The following LRRC72 variants were observed in gnomAD, a reference collection of about 807,000 sequenced individuals.
LRRC72 encodes leucine rich repeat containing 72, also known as leucine-rich repeat-containing protein 72.
A neutral mutation model predicts 35.8 loss-of-function variants in LRRC72; 41 were observed. That is an observed-to-expected ratio of 1.15 (90% CI 0.89 to 1.49). The LOEUF (loss-of-function observed/expected upper bound fraction) is 1.49. LRRC72 is among the 40% of genes most tolerant of loss of function. LRRC72 has a pLI of 0.00. For missense variants in LRRC72, 389 were observed against 330.7 expected (o/e 1.18, Z -1.37); for synonymous variants, 118 against 119.2 (o/e 0.99, Z 0.07).
At position 16,527,006 on chromosome 7, in the gene LRRC72, G is replaced by C. The variant is rs1782080523; in HGVS notation, c.54G>C (p.Arg18=). 6.5e-7 allele frequency: 1 copy of C among 1,539,646 alleles called. No individual in the cohort carries two copies. Among genetic ancestry groups the C allele is most frequent in the Non-Finnish European group, 8.7e-7 (1 of 1,146,930 alleles). The change falls in exon 1 of 9, where the codon CGG becomes CGC. Residue 18 remains arginine, a synonymous_variant. Coordinates refer to ENST00000401542, the MANE Select transcript of LRRC72 (RefSeq NM_001195280.2). ...VPRTLRCWRL[R]RASETALQSS... is the part of the protein sequence containing the mutation. ...GTACCTTGCGATGCTGGCGCCTACG[G>C]AGGGCATCCGAAACTGCCCTACAGA...
At chr7:16,537,738 C>G in intron 3 of LRRC72, 42 bp downstream of exon 3, 7 of 1,135,978 alleles carry the variant, frequency 6.2e-6, no homozygotes, top group Non-Finnish European at 7.5e-6. Flanking sequence ...AATTAAACTA[C>G]TATCTTAATT....
At chr7:16,556,267 A>G (rs902706949) in intron 3 of LRRC72, among the ~76,000 whole-genome samples, 9 of 152,150 alleles carry the variant, frequency 5.9e-5, no homozygotes, top group African/African-American at 2.2e-4. Context: ...TCTTCACTAT[A>G]TTGTTAGGAG....
intron 6 of LRRC72, 25 bp downstream of exon 6, chr7:16,566,427 G>A: frequency 4.1e-6 from 6 of 1,472,882 alleles, no homozygotes; most frequent in Non-Finnish European, 5.5e-6. Flanking sequence ...TTCTTGCAAA[G>A]AAATATTTGA....
intron 3 of LRRC72, among the ~76,000 whole-genome samples, chr7:16,555,150 C>G (rs1782628896): frequency 6.6e-6 from 1 of 152,158 alleles, no homozygotes; most frequent in South Asian, 2.1e-4. Context: ...CATGACATAA[C>G]AAAACATTTG....
intron 1 of LRRC72, among the ~76,000 whole-genome samples, chr7:16,529,437 T>C (rs1369701851): frequency 6.6e-6 from 1 of 152,130 alleles, no homozygotes; most frequent in Non-Finnish European, 1.5e-5. Flanking sequence ...TTGCAGATAC[T>C]GTTTTTTGGG....
At chr7:16,549,548 C>T (rs1300380131) in intron 3 of LRRC72, among the ~76,000 whole-genome samples, 4 of 152,292 alleles carry the variant, frequency 2.6e-5, no homozygotes, top group Middle Eastern at 6.8e-3. Context: ...CCACCATTTC[C>T]ACTGCTATGG....
At chr7:16,543,029 T>C (rs896125976) in intron 3 of LRRC72, among the ~76,000 whole-genome samples, 3 of 152,218 alleles carry the variant, frequency 2.0e-5, no homozygotes, top group Non-Finnish European at 4.4e-5. Context: ...TTCTTATTGA[T>C]CAGTAATTGA....
At chr7:16,556,462 T>G (rs1782652462) in intron 3 of LRRC72, among the ~76,000 whole-genome samples, 1 of 152,214 alleles carries the variant, frequency 6.6e-6, no homozygotes, top group Non-Finnish European at 1.5e-5. Flanking sequence ...GGATGAACTC[T>G]GAATGATGAA....
Position 16,559,011 on chromosome 7 carries a change from C to G in LRRC72, c.427+12C>G. On this transcript the variant is annotated intron_variant, in intron 5 of 8. Coordinates refer to ENST00000401542, the MANE Select transcript of LRRC72 (RefSeq NM_001195280.2). ...TCTGAAGATCCTAAGTAACAATTTG[C>G]AATTTTATATGGCCATAAGTTAAAA... The G allele has an allele frequency of 6.9e-7, 1 of 1,456,894 alleles. No individual in the cohort carries two copies. Among genetic ancestry groups the G allele is most frequent in the Non-Finnish European group, 9.3e-7 (1 of 1,072,310 alleles). 90.2% of individuals were successfully genotyped at this position (1,456,894 alleles called of 1,614,324 possible). A position where few individuals can be genotyped will look rare whatever the true frequency, so the allele number is the denominator to read the frequency against.
intron 7 of LRRC72, among the ~76,000 whole-genome samples, chr7:16,572,047 G>A (rs1782955348): frequency 6.6e-6 from 1 of 152,178 alleles, no homozygotes; most frequent in Non-Finnish European, 1.5e-5. Flanking sequence ...TGAGTAGGTG[G>A]TTTTCCCCTC....
chr7:16,527,532 T>A (rs562579779), intron 1 of LRRC72, among the ~76,000 whole-genome samples: 1 of 152,032 alleles, frequency 6.6e-6, no homozygotes, highest in African/African-American at 2.4e-5. Context: ...AATCAACACC[T>A]TGAAGAGAAA....
rs184743661 is a variant in LRRC72, at chr7:16,534,592, A to G, written c.164+2024A>G. Among the ~76,000 whole-genome samples the G allele has an allele frequency of 2.5e-3, 378 of 152,290 alleles. 1 individual carries two copies. Among genetic ancestry groups the G allele is most frequent in the African/African-American group, 8.7e-3 (361 of 41,564 alleles). ...TTTAAAGTTTTAGTGTATTAAAACAACTTTCGCGCCACTGCACTCCAGCCT... is the reference window on the plus strand; with the variant it reads ...TTTAAAGTTTTAGTGTATTAAAACAGCTTTCGCGCCACTGCACTCCAGCCT... On this transcript the variant is annotated intron_variant, in intron 2 of 8. Transcript: ENST00000401542.
chr7:16,580,822 A>G (rs1783130288), intron 8 of LRRC72, among the ~76,000 whole-genome samples: 1 of 152,178 alleles, frequency 6.6e-6, no homozygotes, highest in African/African-American at 2.4e-5. Flanking sequence ...AATACTATGG[A>G]AGACTTTTCA....
At chr7:16,569,484 C>G (rs1353196151) in intron 7 of LRRC72, among the ~76,000 whole-genome samples, 4 of 152,278 alleles carry the variant, frequency 2.6e-5, no homozygotes, top group Middle Eastern at 3.4e-3. Context: ...GAATGACTTA[C>G]ACTGCATTTG....
intron 7 of LRRC72, among the ~76,000 whole-genome samples, chr7:16,573,248 A>G (rs931369440): frequency 2.6e-5 from 4 of 152,228 alleles, no homozygotes; most frequent in Non-Finnish European, 5.9e-5. Context: ...TACAGATTCA[A>G]TGCTATCCTC....
intron 3 of LRRC72, among the ~76,000 whole-genome samples, chr7:16,541,318 G>C (rs371349626): frequency 1.4e-4 from 21 of 152,322 alleles, no homozygotes; most frequent in African/African-American, 4.1e-4. Flanking sequence ...GAAATAATTT[G>C]AGTTTTCAGT....
At position 16,532,480 on chromosome 7, in the gene LRRC72, A is replaced by C; in HGVS notation, c.91-15A>C. The stretch of plus-strand genomic sequence containing the variant: ...CATTGGAATGTAGTTTGACAGATTA[A>C]TTATATGTTATCAGGCAGTTGAAGA... On this transcript the variant is annotated splice_polypyrimidine_tract_variant and intron_variant, in intron 1 of 8. Coordinates refer to ENST00000401542, the MANE Select transcript of LRRC72 (RefSeq NM_001195280.2). 6.5e-7 allele frequency: 1 copy of C among 1,541,744 alleles called. No homozygotes were observed. Among genetic ancestry groups the C allele is most frequent in the Non-Finnish European group, 8.8e-7 (1 of 1,138,932 alleles).
chr7:16,566,375 C>T lies in LRRC72; in HGVS notation c.490C>T (p.Pro164Ser), dbSNP rs558694349. Residue 164 changes from proline (P) to serine (S), a missense_variant, in exon 6 of 9, where the codon CCA (proline) becomes TCA (serine). Physicochemically the swap from Pro to Ser is moderately conservative, Grantham distance 74 (BLOSUM62 -1). Coordinates refer to ENST00000401542, the MANE Select transcript of LRRC72 (RefSeq NM_001195280.2). ...TCGTTTATATATCATCTACCACCTTCCAGGAGTGGAGCTGCTTGACCGAAA... is the reference window on the plus strand; with the variant it reads ...TCGTTTATATATCATCTACCACCTTTCAGGAGTGGAGCTGCTTGACCGAAA... ...LYRLYIIYHL[P>S]GVELLDRNQV... The T allele has an allele frequency of 6.5e-7, 1 of 1,546,826 alleles. No homozygotes were observed. The highest frequency in any genetic ancestry group is 2.5e-5 in the East Asian group (1 of 40,782).
intron 3 of LRRC72, among the ~76,000 whole-genome samples, chr7:16,540,429 T>C (rs1782337465): frequency 6.6e-6 from 1 of 152,214 alleles, no homozygotes; most frequent in South Asian, 2.1e-4. Flanking sequence ...GGACTAGCCT[T>C]GTCTCAAATG....
Sources: gnomAD v4.1 joint callset for allele counts (sites outside exome capture counted in the v4.1 genomes callset) on GRCh38, gnomAD v4.1.1 for gene constraint, MANE v1.5 for transcripts, NCBI Gene and HGNC (gene_info 2026-07-23, HGNC 2026-07-21) for gene names.